MINDY2: variants seen among roughly 807,000 people sequenced by gnomAD.
MINDY2 encodes the protein ubiquitin carboxyl-terminal hydrolase MINDY-2.
In MINDY2, 52 loss-of-function variants were observed where a neutral mutation model predicts 68.2. That is an observed-to-expected ratio of 0.76 (90% confidence interval 0.61 to 0.96). The LOEUF is 0.96. MINDY2 is among the 40% of genes least tolerant of loss of function. The pLI is 0.00. For synonymous variants in MINDY2, 372 were observed against 303.0 expected, an observed-to-expected ratio of 1.23 and a Z score of -2.36; for missense variants, 881 against 773.4, an observed-to-expected ratio of 1.14 and a Z score of -1.65.
At position 58,791,213 on chromosome 15, in the gene MINDY2, TTTTATATATATATATATA is replaced by T. The variant is rs1240026815; in HGVS notation, c.898+3252_898+3269del. Among the ~76,000 whole-genome samples the T allele has an allele frequency of 2.9e-3, 110 of 38,350 alleles. 3 individuals are homozygous for T. The highest frequency in any genetic ancestry group is 4.4e-3 in the Non-Finnish European group (59 of 13,308). The allele number at this position is 38,350 out of a possible 152,430, so 25.2% of individuals were successfully genotyped here. On this transcript the variant is annotated intron_variant, in intron 2 of 8. Transcript: ENST00000559228. Reference sequence around the variant, plus strand: ...AAAAAGGGAGCCATCAGGAAAGCAATTTTATATATATATATATATATATATATATATATATATATATAT... The same window carrying T: ...AAAAAGGGAGCCATCAGGAAAGCAATTATATATATATATATATATATATAT...
chr15:58,798,137 G>T (rs1382608297), intron 2 of MINDY2, among the ~76,000 whole-genome samples: 1 of 152,006 alleles, frequency 6.6e-6, no homozygotes, highest in Non-Finnish European at 1.5e-5. Flanking sequence ...TTCTTCCCGA[G>T]ATGGAGTCTT....
chr15:58,807,263 T>C (rs964019418), intron 3 of MINDY2, among the ~76,000 whole-genome samples: 1 of 152,190 alleles, frequency 6.6e-6, no homozygotes, highest in East Asian at 1.9e-4. Flanking sequence ...ATTTTATGTA[T>C]TGGTTTTTCT....
intron 5 of MINDY2, among the ~76,000 whole-genome samples, chr15:58,829,885 G>A (rs1187406204): frequency 6.6e-6 from 1 of 152,122 alleles, no homozygotes; most frequent in African/African-American, 2.4e-5. Flanking sequence ...TCGAGGGAGT[G>A]GAATAAACCT....
intron 2 of MINDY2, among the ~76,000 whole-genome samples, 171 bp from the exon 3 acceptor site, chr15:58,802,142 C>T (rs898992899): frequency 2.6e-5 from 4 of 152,012 alleles, no homozygotes; most frequent in African/African-American, 9.7e-5. Context: ...AAATATTTGA[C>T]GTGATAGGAA....
chr15:58,792,296 A>G (rs1446881631), intron 2 of MINDY2, among the ~76,000 whole-genome samples: 10 of 152,256 alleles, frequency 6.6e-5, no homozygotes, highest in Non-Finnish European at 1.5e-4. Context: ...GTGAAAACGT[A>G]TGTCCATACA....
intron 2 of MINDY2, among the ~76,000 whole-genome samples, chr15:58,793,178 A>T (rs1410948241): frequency 6.6e-6 from 1 of 152,184 alleles, no homozygotes; most frequent in African/African-American, 2.4e-5. Context: ...TGGGACTGGC[A>T]CAGTGGCTCA....
In MINDY2 at chr15:58,856,384, TAG is replaced by T. The variant is rs1221852591; in HGVS notation, c.*1777_*1778del. The T allele has an allele frequency of 6.6e-6, 1 of 152,606 alleles. No homozygotes were observed. The highest frequency in any genetic ancestry group is 1.5e-5 in the Non-Finnish European group (1 of 68,026). The allele number at this position is 152,606 out of a possible 1,614,324, so 9.5% of individuals were successfully genotyped here. On this transcript the variant is annotated 3_prime_UTR_variant, in exon 9 of 9. Transcript: ENST00000559228. Reference sequence around the variant, plus strand: ...TATAGGATGAATCTGTATGTAAAAATAGAGTCTTATTTATGGAAGGAATTATT... The same window carrying T: ...TATAGGATGAATCTGTATGTAAAAATAGTCTTATTTATGGAAGGAATTATT...
At chr15:58,811,182 C>T (rs2030218407) in intron 4 of MINDY2, among the ~76,000 whole-genome samples, 1 of 152,232 alleles carries the variant, frequency 6.6e-6, no homozygotes, top group Non-Finnish European at 1.5e-5. Flanking sequence ...GGTCAAACCT[C>T]TCTTTGGGCA....
intron 1 of MINDY2, among the ~76,000 whole-genome samples, 166 bp from the exon 2 acceptor site, chr15:58,787,740 A>G (rs886845634): frequency 1.6e-4 from 24 of 151,430 alleles, no homozygotes; most frequent in Non-Finnish European, 3.1e-4. Context: ...CCGTCTCAAA[A>G]AAAAAAAAAA....
At chr15:58,838,052 C>G (rs1051190633) in intron 6 of MINDY2, among the ~76,000 whole-genome samples, 1 of 150,428 alleles carries the variant, frequency 6.6e-6, no homozygotes, top group African/African-American at 2.4e-5. Context: ...AACTCTTTCT[C>G]TTTGGAACAT....
chr15:58,803,522 G>A (rs775909312), intron 3 of MINDY2, among the ~76,000 whole-genome samples: 106 of 146,150 alleles, frequency 7.3e-4, no homozygotes, highest in Non-Finnish European at 1.0e-3. Flanking sequence ...TATATCATAA[G>A]ATAGGAAATC....
At chr15:58,839,427 G>A (rs186079412) in intron 6 of MINDY2, among the ~76,000 whole-genome samples, 1 of 152,194 alleles carries the variant, frequency 6.6e-6, no homozygotes, top group African/African-American at 2.4e-5. Flanking sequence ...CACCTCCCCG[G>A]TTCAAGTGAT....
chr15:58,807,465 G>C (rs1292351425), intron 3 of MINDY2, among the ~76,000 whole-genome samples: 2 of 147,342 alleles, frequency 1.4e-5, no homozygotes, highest in Non-Finnish European at 3.0e-5. Context: ...ACGCCATTCT[G>C]CTGCCTCAGC....
At chr15:58,827,850 GTTC>G (rs2031494515) in intron 5 of MINDY2, among the ~76,000 whole-genome samples, 1 of 152,122 alleles carries the variant, frequency 6.6e-6, no homozygotes. Flanking sequence ...TGGGTCTTGT[GTTC>G]TTTTGTATCT....
chr15:58,852,313 A>G (rs1459964040), intron 8 of MINDY2, among the ~76,000 whole-genome samples: 1 of 147,088 alleles, frequency 6.8e-6, no homozygotes, highest in Non-Finnish European at 1.5e-5. Flanking sequence ...AAAGATGATC[A>G]CTTTAGCAGT....
chr15:58,834,489 C>A (rs1437019063), intron 6 of MINDY2, among the ~76,000 whole-genome samples: 1 of 152,128 alleles, frequency 6.6e-6, no homozygotes, highest in Non-Finnish European at 1.5e-5. Context: ...AACTGCCAAT[C>A]CTCAGAACCT....
rs149703845 is a variant in MINDY2, at chr15:58,778,816, T to C, written c.840+6581T>C. On this transcript the variant is annotated intron_variant, in intron 1 of 8. Coordinates refer to ENST00000559228, the MANE Select transcript of MINDY2 (RefSeq NM_001040450.3). ...TAATTTTTTTTCTTTTTTTCTTTTT[T>C]TTTTTTTTTTTTTTGAGACGGAATC... 7.3e-3 allele frequency among the ~76,000 whole-genome samples: 1,066 copies of C among 145,088 alleles called. 15 individuals carry two copies. The highest frequency in any genetic ancestry group is 0.024 in the African/African-American group (941 of 39,098).
intron 1 of MINDY2, among the ~76,000 whole-genome samples, chr15:58,786,247 A>C (rs1307545369): frequency 6.6e-6 from 1 of 152,222 alleles, no homozygotes; most frequent in Non-Finnish European, 1.5e-5. Flanking sequence ...ATTTGGGGGA[A>C]TTGTTGGAGA....
intron 5 of MINDY2, among the ~76,000 whole-genome samples, chr15:58,822,540 C>T (rs1236131478): frequency 2.6e-5 from 4 of 152,160 alleles, no homozygotes; most frequent in Admixed American, 2.6e-4. Flanking sequence ...TTTTAGTAGA[C>T]CTCTGCTTTA....
Sources: gnomAD v4.1 joint callset for allele counts (sites outside exome capture counted in the v4.1 genomes callset) on GRCh38, gnomAD v4.1.1 for gene constraint, MANE v1.5 for transcripts, NCBI Gene and HGNC (gene_info 2026-07-23, HGNC 2026-07-21) for gene names.